KCNMA1: variants seen among roughly 807,000 people sequenced by gnomAD.
KCNMA1 encodes Calcium-activated potassium channel subunit alpha-1.
A neutral mutation model predicts 140.0 loss-of-function variants in KCNMA1; 29 were observed. The observed-to-expected ratio is 0.21, with a 90% CI of 0.15 to 0.28. KCNMA1 has a LOEUF of 0.28. Among genes scored for constraint, KCNMA1 ranks in the 10% least tolerant of loss-of-function variants. The pLI, the probability that KCNMA1 is intolerant of heterozygous loss-of-function variation, is 1.00. For synonymous variants in KCNMA1, 612 were observed against 611.9 expected, an observed-to-expected ratio of 1.00 and a Z score of 0.00; for missense variants, 880 against 1,602.2, an observed-to-expected ratio of 0.55 and a Z score of 7.70.
chr10:76,969,767 A>T (rs766593606), intron 20 of KCNMA1, among the ~76,000 whole-genome samples: 1 of 152,190 alleles, frequency 6.6e-6, no homozygotes, highest in Non-Finnish European at 1.5e-5. Context: ...TTCATGACAG[A>T]ATTTTTTCAG....
chr10:77,127,374 G>C (rs1303757703), intron 5 of KCNMA1, among the ~76,000 whole-genome samples: 1 of 152,044 alleles, frequency 6.6e-6, no homozygotes, highest in Non-Finnish European at 1.5e-5. Context: ...ACTCCACAAA[G>C]CCCAAGCTTC....
chr10:77,230,259 C>T (rs968396229), intron 3 of KCNMA1, among the ~76,000 whole-genome samples: 1 of 152,112 alleles, frequency 6.6e-6, no homozygotes, highest in Non-Finnish European at 1.5e-5. Flanking sequence ...AGACAGAAAG[C>T]AGATCAGTGG....
intron 19 of KCNMA1, among the ~76,000 whole-genome samples, chr10:76,981,724 C>T (rs1282911498): frequency 6.6e-6 from 1 of 152,202 alleles, no homozygotes; most frequent in African/African-American, 2.4e-5. Context: ...ATGACAAGAT[C>T]AATTCTCTCC....
chr10:76,913,985 C>T (rs2051536053), intron 24 of KCNMA1: 1 of 1,150,122 alleles, frequency 8.7e-7, no homozygotes, highest in South Asian at 1.4e-5. Flanking sequence ...TAAAAACAAG[C>T]TGATGATAGT....
At chr10:77,085,454 T>C (rs1462432644) in intron 11 of KCNMA1, among the ~76,000 whole-genome samples, 1 of 152,202 alleles carries the variant, frequency 6.6e-6, no homozygotes, top group Admixed American at 6.5e-5. Context: ...ACAATAACAA[T>C]TGTCCCTACG....
At chr10:77,509,604 C>G (rs559870918) in intron 1 of KCNMA1, among the ~76,000 whole-genome samples, 1 of 152,284 alleles carries the variant, frequency 6.6e-6, no homozygotes, top group South Asian at 2.1e-4. Context: ...ATTTTACATT[C>G]CCGCCAGCAA....
At chr10:77,612,843 G>A (rs1437792976) in intron 1 of KCNMA1, among the ~76,000 whole-genome samples, 1 of 152,018 alleles carries the variant, frequency 6.6e-6, no homozygotes, top group African/African-American at 2.4e-5. Context: ...CAGTGAAAAT[G>A]AACAATCCCC....
chr10:77,466,744 C>T (rs893088270), intron 1 of KCNMA1, among the ~76,000 whole-genome samples: 2 of 152,152 alleles, frequency 1.3e-5, no homozygotes, highest in African/African-American at 4.8e-5. Flanking sequence ...AGCAAACAAG[C>T]CTCCTGTGCA....
chr10:77,587,700 A>G, intron 1 of KCNMA1: 1 of 985,424 alleles, frequency 1.0e-6, no homozygotes, highest in Non-Finnish European at 1.2e-6. Flanking sequence ...ATCTGCTCCC[A>G]GTAATAATGC....
chr10:77,080,044 T>G (rs61866977), intron 12 of KCNMA1, among the ~76,000 whole-genome samples: 4,799 of 152,162 alleles, frequency 0.032, 135 homozygotes, highest in Non-Finnish European at 0.053. Flanking sequence ...GAAGCCACCA[T>G]GAGGAACAAA....
chr10:77,108,490 C>G lies in KCNMA1; in HGVS notation c.1214G>C (p.Ser405Thr). The G allele has an allele frequency of 6.2e-7, 1 of 1,613,426 alleles. No individual in the cohort carries two copies. The highest frequency in any genetic ancestry group is 8.5e-7 in the Non-Finnish European group (1 of 1,179,596). ...CTCTTGGCATACTTACTTTCTTCCA[C>G]TAACCGCACTATAGGAGCCCCCGTA... ...KKYGGSYSAV[S>T]GRKHIVVCGH... The change falls in exon 9 of 28, where the codon AGT becomes ACT. Residue 405 changes from serine to threonine, a missense_variant. Around this residue, in one of 13 missense-constraint regions of KCNMA1, gnomAD observed 198 missense variants for 580.1 expected, o/e 0.34. Coordinates refer to ENST00000286628, the MANE Select transcript of KCNMA1 (RefSeq NM_001161352.2). The surrounding 1 kb of genome is among the most constrained non-coding windows in gnomAD (Gnocchi z 4.6).
At chr10:77,587,953 G>T in intron 1 of KCNMA1, 4 of 710,054 alleles carry the variant, frequency 5.6e-6, no homozygotes, top group Non-Finnish European at 6.9e-6. Flanking sequence ...CACAGAAAGA[G>T]AAATAATACT....
chr10:77,611,554 C>T (rs12416677), intron 1 of KCNMA1, among the ~76,000 whole-genome samples: 36,323 of 152,180 alleles, frequency 0.24, 4,649 homozygotes, highest in Middle Eastern at 0.37. Flanking sequence ...CAATCAAAAG[C>T]TTATCACTGA....
chr10:77,408,861 G>C (rs1052818161), intron 1 of KCNMA1, among the ~76,000 whole-genome samples: 1 of 152,140 alleles, frequency 6.6e-6, no homozygotes, highest in South Asian at 2.1e-4. Context: ...CTCCCCACTA[G>C]AGCCTTGTGT....
At position 77,273,281 on chromosome 10, in the gene KCNMA1, C is replaced by A. The variant is rs187472626; in HGVS notation, c.541-22025G>T. Among the ~76,000 whole-genome samples, 173 of 152,182 alleles carry A rather than the reference C, an allele frequency of 1.1e-3. 1 individual carries two copies. The highest frequency in any genetic ancestry group is 4.0e-3 in the African/African-American group (167 of 41,528). On this transcript the variant is annotated intron_variant, in intron 2 of 27. Transcript: ENST00000286628. ...AAAACAAAAATCAGTAGGTTGGTCA[C>A]AGGCAAATACAAGTTCAATTTCTAC...
Position 76,952,670 on chromosome 10 carries a change from C to T in KCNMA1, c.2484+1131G>A, listed in dbSNP as rs190581110. On this transcript the variant is annotated intron_variant, in intron 21 of 27. Coordinates refer to ENST00000286628, the MANE Select transcript of KCNMA1 (RefSeq NM_001161352.2). Reference sequence around the variant, plus strand: ...AACTTTCCCACCTCTGAGACAGCCTCCAGCTTGATACTGTATTGGCTGTTA... The same window carrying T: ...AACTTTCCCACCTCTGAGACAGCCTTCAGCTTGATACTGTATTGGCTGTTA... Among the ~76,000 whole-genome samples the T allele has an allele frequency of 2.2e-3, 342 of 152,294 alleles. 3 individuals are homozygous for T. The Middle Eastern group carries it at 0.034, about 15-fold the overall frequency.
chr10:76,896,530 G>A (rs2042582087), intron 25 of KCNMA1, among the ~76,000 whole-genome samples: 1 of 152,158 alleles, frequency 6.6e-6, no homozygotes, highest in Non-Finnish European at 1.5e-5. Context: ...AGAGATTAAA[G>A]ACAGACATAG....
chr10:77,303,225 G>T (rs188956382), intron 2 of KCNMA1, among the ~76,000 whole-genome samples: 1 of 152,242 alleles, frequency 6.6e-6, no homozygotes, highest in East Asian at 1.9e-4. Context: ...GTCTCACAGG[G>T]TCACTGTATC....
At chr10:77,035,698 TATAACTTGG>T (rs1331923934) in intron 15 of KCNMA1, among the ~76,000 whole-genome samples, 3 of 152,168 alleles carry the variant, frequency 2.0e-5, no homozygotes, top group Non-Finnish European at 2.9e-5. Context: ...TAAAAGTAAA[TATAACTTGG>T]ATACACATAT....
Sources: allele counts gnomAD v4.1 joint callset (sites outside exome capture counted in the v4.1 genomes callset), GRCh38; gene constraint gnomAD v4.1.1; regional missense constraint gnomAD v4.1.1; non-coding constraint Gnocchi (gnomAD v3.1); transcripts MANE v1.5; gene names NCBI Gene and HGNC (gene_info 2026-07-23, HGNC 2026-07-21).